Variants in THOC2 observed in about 807,000 individuals in gnomAD.
The protein encoded by THOC2 is THO complex 2.
THOC2 carries 10 observed loss-of-function variants against 128.4 expected under a neutral mutation model. The observed-to-expected ratio is 0.08, with a 90% CI of 0.05 to 0.13. The LOEUF is 0.13. Among genes scored for constraint, THOC2 ranks in the 10% least tolerant of loss-of-function variants. THOC2 has a pLI of 1.00. For missense variants in THOC2, 535 were observed against 1,155.7 expected, an observed-to-expected ratio of 0.46 and a Z score of 7.79; for synonymous variants, 393 against 396.9, an observed-to-expected ratio of 0.99 and a Z score of 0.12.
intron 19 of THOC2, among the ~76,000 whole-genome samples, chrX:123,635,517 T>G (rs949762714): frequency 3.6e-5 from 4 of 111,832 alleles, no homozygotes; most frequent in Non-Finnish European, 5.7e-5. Flanking sequence ...CTCATGAGGT[T>G]TAATACACAT....
chrX:123,715,277 A>G (rs896138317), intron 1 of THOC2, among the ~76,000 whole-genome samples: 1 of 109,291 alleles, frequency 9.1e-6, no homozygotes, highest in African/African-American at 3.3e-5. Context: ...GGCTCAAGCA[A>G]TCTGCCCACC....
chrX:123,711,099 G>A (rs1435689898), intron 2 of THOC2, among the ~76,000 whole-genome samples: 1 of 102,804 alleles, frequency 9.7e-6, no homozygotes, highest in Non-Finnish European at 2.0e-5. Flanking sequence ...GCTCACTACA[G>A]CCTCTGCCTC....
chrX:123,721,476 C>T (rs1319346187), intron 1 of THOC2, among the ~76,000 whole-genome samples: 1 of 107,171 alleles, frequency 9.3e-6, no homozygotes, highest in Non-Finnish European at 1.9e-5. Flanking sequence ...CCTGGGCAAG[C>T]ATGTCTTTTT....
Position 123,686,730 on chromosome X carries a change from C to A in THOC2, c.602-16G>T, listed in dbSNP as rs370467959. On this transcript the variant is annotated splice_polypyrimidine_tract_variant and intron_variant, in intron 7 of 38. Transcript: ENST00000245838. ...TTAAAGCATCCTGCAACAGATGAGA[C>A]ATACAAAAATTTAAAAATGATTATA... is the stretch of plus-strand genomic sequence containing the variant. The A allele has an allele frequency of 1.2e-5, 13 of 1,122,419 alleles. No homozygotes were observed. The African/African-American group carries it at 2.2e-4, about 19-fold the overall frequency. The allele number at this position is 1,122,419 out of a possible 1,213,427, so 92.5% of individuals were successfully genotyped here.
chrX:123,692,761 C>G (rs183728775), intron 7 of THOC2, among the ~76,000 whole-genome samples: 1 of 110,988 alleles, frequency 9.0e-6, no homozygotes, highest in Non-Finnish European at 1.9e-5. Flanking sequence ...CTCGGCCACC[C>G]AGAGTGCTGG....
intron 36 of THOC2, among the ~76,000 whole-genome samples, 173 bp downstream of exon 36, chrX:123,613,226 C>T (rs1246994801): frequency 9.0e-6 from 1 of 110,978 alleles, no homozygotes; most frequent in East Asian, 2.8e-4. Context: ...TAATCTGGGA[C>T]TGAACTGACT....
At chrX:123,692,348 G>A (rs2050256757) in intron 7 of THOC2, among the ~76,000 whole-genome samples, 2 of 111,692 alleles carry the variant, frequency 1.8e-5, no homozygotes, top group South Asian at 7.4e-4. Context: ...TTAATAAGTT[G>A]TTCAAATTTA....
At chrX:123,700,290 T>G (rs1223056262) in intron 4 of THOC2, among the ~76,000 whole-genome samples, 3 of 108,429 alleles carry the variant, frequency 2.8e-5, no homozygotes, top group Non-Finnish European at 5.7e-5. Context: ...CACCTGAGGT[T>G]AGGAGTTTGA....
At chrX:123,635,102 TG>T (rs2047625092) in intron 19 of THOC2, among the ~76,000 whole-genome samples, 1 of 111,656 alleles carries the variant, frequency 9.0e-6, no homozygotes, top group African/African-American at 3.2e-5. Flanking sequence ...TAGTTTCGTT[TG>T]TTTTTTTTAA....
At chrX:123,673,022 T>C (rs1179762976) in intron 8 of THOC2, among the ~76,000 whole-genome samples, 3 of 112,661 alleles carry the variant, frequency 2.7e-5, no homozygotes, top group Admixed American at 1.9e-4. Flanking sequence ...ATGTCTTCAA[T>C]GTAACAATAG....
At position 123,623,235 on chromosome X, in the gene THOC2, A is replaced by G. The variant is rs778301144; in HGVS notation, c.3552T>C (p.Asn1184=). 1.7e-6 allele frequency: 2 copies of G among 1,210,065 alleles called. No individual in the cohort carries two copies. Among genetic ancestry groups the G allele is most frequent in the South Asian group, 3.5e-5 (2 of 56,491 alleles). ...KSRKSYMIPE[N]EFHHKDPPPR... is the part of the protein sequence containing the mutation. ...GAGGGGGGTCTTTGTGATGAAACTC[A>G]TTTTCAGGTATCATGTATGACTTTC... The change falls in exon 29 of 39, where the codon AAT becomes AAC. Residue 1184 remains asparagine (N), a synonymous_variant. Transcript: ENST00000245838.
At chrX:123,634,149 T>G (rs895613496) in intron 19 of THOC2, 79 bp from the exon 20 acceptor site, 2 of 516,819 alleles carry the variant, frequency 3.9e-6, no homozygotes, top group Admixed American at 3.7e-5. Context: ...ATTAATATAC[T>G]GAGAAACCCT....
At chrX:123,613,828 A>G (rs1236305953) in intron 34 of THOC2, 120 bp from the exon 35 acceptor site, 1 of 749,052 alleles carries the variant, frequency 1.3e-6, no homozygotes, top group Non-Finnish European at 2.0e-6. Flanking sequence ...GTAGTTTCAC[A>G]TACTTGGTAA....
intron 1 of THOC2, among the ~76,000 whole-genome samples, chrX:123,729,184 T>A (rs190613199): frequency 8.9e-6 from 1 of 111,919 alleles, no homozygotes; most frequent in Non-Finnish European, 1.9e-5. Context: ...ACAATTACAT[T>A]TTGGTAGTCC....
rs572290158 is a variant in THOC2 at position 123,603,615 on chromosome X, G to C, written c.*19-2277C>G. ...GGATGGTGGTGTGTACTCATCTTCT[G>C]ACTTAAAGCAGATTCCCATTAAATG... On this transcript the variant is annotated intron_variant, in intron 38 of 38. Transcript: ENST00000245838. 4.8e-4 allele frequency: 293 copies of C among 606,820 alleles called. 3 individuals carry two copies. The South Asian group carries it at 6.8e-3, about 14-fold the overall frequency. 50.0% of individuals were successfully genotyped at this position (606,820 alleles called of 1,213,427 possible).
chrX:123,721,147 G>T (rs1245619238), intron 1 of THOC2, among the ~76,000 whole-genome samples: 3 of 109,603 alleles, frequency 2.7e-5, no homozygotes, highest in Admixed American at 9.7e-5. Context: ...TTGTTTTGGG[G>T]TTTTTTTGTT....
intron 7 of THOC2, among the ~76,000 whole-genome samples, chrX:123,693,501 G>A (rs1415376580): frequency 8.9e-6 from 1 of 111,810 alleles, no homozygotes; most frequent in African/African-American, 3.3e-5. Context: ...ACAATTGGGG[G>A]AGGAGGAAAT....
intron 1 of THOC2, among the ~76,000 whole-genome samples, chrX:123,725,182 T>C: frequency 9.0e-6 from 1 of 111,524 alleles, no homozygotes; most frequent in Non-Finnish European, 1.9e-5. Flanking sequence ...GAGAGTACCT[T>C]ACAAATGGTA....
In THOC2 at chrX:123,615,420, TAGAC is replaced by T. The variant is rs2046851888; in HGVS notation, c.4312-1235_4312-1232del. On this transcript the variant is annotated intron_variant, in intron 33 of 38. Coordinates refer to ENST00000245838, the MANE Select transcript of THOC2 (RefSeq NM_001081550.2). ...ATGTTTAAAAGTTGATAAACTGAAA[TAGAC>T]AAAATGCTTATTAATAAAGAGCAAG... 3.6e-5 allele frequency among the ~76,000 whole-genome samples: 4 copies of T among 111,078 alleles called. No individual in the cohort carries two copies. In the Admixed American group the frequency reaches 3.8e-4, roughly 11 times the overall value.
Sources: allele counts gnomAD v4.1 joint callset (sites outside exome capture counted in the v4.1 genomes callset), GRCh38; gene constraint gnomAD v4.1.1; transcripts MANE v1.5; gene names NCBI Gene and HGNC (gene_info 2026-07-23, HGNC 2026-07-21).